The following ART4 variants were observed in gnomAD, a reference collection of about 807,000 sequenced individuals.
The protein encoded by ART4 is ADP-ribosyltransferase 4 (inactive) (Dombrock blood group).
Under a neutral mutation model 24.2 loss-of-function variants are expected in ART4, and 14 were observed. The observed-to-expected ratio is 0.58, with a 90% CI of 0.38 to 0.90. The LOEUF (loss-of-function observed/expected upper bound fraction) is 0.90. Among genes scored for constraint, ART4 ranks in the 40% least tolerant of loss-of-function variants. The pLI is 0.00. For synonymous variants in ART4, 145 were observed against 139.9 expected, an observed-to-expected ratio of 1.04 and a Z score of -0.26; for missense variants, 356 against 366.6, an observed-to-expected ratio of 0.97 and a Z score of 0.24.
At chr12:14,838,530 TCTA>T (rs1950445010) in intron 2 of ART4, among the ~76,000 whole-genome samples, 1 of 152,234 alleles carries the variant, frequency 6.6e-6, no homozygotes, top group South Asian at 2.1e-4. Context: ...TTCTTCATAT[TCTA>T]CTATAGTTTT....
rs979765224 is a variant in ART4 at position 14,826,217 on chromosome 12, G to C, written c.*3154C>G. The C allele has an allele frequency of 6.6e-6, 1 of 152,238 alleles. No homozygotes were observed. Among genetic ancestry groups the C allele is most frequent in the Admixed American group, 6.5e-5 (1 of 15,286 alleles). The allele number at this position is 152,238 out of a possible 1,614,324, so 9.4% of individuals were successfully genotyped here. ...GCTCAACAACTTTGGACTATAGGGAGAGACTGAGGGGATGTGAGCTATGTA... is the reference window on the plus strand; with the variant it reads ...GCTCAACAACTTTGGACTATAGGGACAGACTGAGGGGATGTGAGCTATGTA... On this transcript the variant is annotated 3_prime_UTR_variant, in exon 3 of 3. Coordinates refer to ENST00000228936, the MANE Select transcript of ART4 (RefSeq NM_021071.4).
intron 2 of ART4, among the ~76,000 whole-genome samples, chr12:14,831,812 A>T (rs1950397557): frequency 6.6e-6 from 1 of 151,974 alleles, no homozygotes; most frequent in Non-Finnish European, 1.5e-5. Context: ...CTCAGATATA[A>T]CATGTCAAAT....
At chr12:14,837,804 C>T (rs932459142) in intron 2 of ART4, among the ~76,000 whole-genome samples, 3 of 152,166 alleles carry the variant, frequency 2.0e-5, no homozygotes, top group Non-Finnish European at 4.4e-5. Flanking sequence ...TGTGAGCCAC[C>T]GCACTTGGCC....
intron 2 of ART4, among the ~76,000 whole-genome samples, chr12:14,838,899 C>CTT (rs35828014): frequency 0.018 from 2,554 of 140,512 alleles, 82 homozygotes; most frequent in African/African-American, 0.06. Context: ...TATGAACAGT[C>CTT]TTTTTTTTTT....
chr12:14,829,520 C>T (rs1220413630), intron 2 of ART4, 58 bp from the exon 3 acceptor site: 11 of 1,199,896 alleles, frequency 9.2e-6, no homozygotes, highest in Admixed American at 4.2e-5. Context: ...TTAAAACTAC[C>T]TCATCTATCC....
chr12:14,833,047 A>G (rs1950406867), intron 2 of ART4, among the ~76,000 whole-genome samples: 1 of 152,146 alleles, frequency 6.6e-6, no homozygotes, highest in African/African-American at 2.4e-5. Context: ...TTTCTATTCA[A>G]CTATCTCTTC....
Position 14,841,097 on chromosome 12 carries a change from T to C in ART4, c.201A>G (p.Gln67=). 1.9e-6 allele frequency: 3 copies of C among 1,610,800 alleles called. No homozygotes were observed. The highest frequency in any genetic ancestry group is 2.5e-6 in the Non-Finnish European group (3 of 1,179,134). Residue 67 remains glutamine (Q), a synonymous_variant, in exon 2 of 3, where the codon CAA becomes CAG. Transcript: ENST00000228936. ...TCTCCATAACCTGTTTGCTACAGCC[T>C]TGGTACTGATCATCAAAAGAACCTG... The part of the protein sequence containing the change: ...FAPGSFDDQY[Q]GCSKQVMEKL...
In ART4 at chr12:14,827,714, T is replaced by C. The variant is rs1226893329; in HGVS notation, c.*1657A>G. 9 of 152,294 alleles carry C rather than the reference T, an allele frequency of 5.9e-5. No individual in the cohort carries two copies. The highest frequency in any genetic ancestry group is 5.9e-4 in the Admixed American group (9 of 15,280). 9.4% of individuals were successfully genotyped at this position (152,294 alleles called of 1,614,324 possible). A position where few individuals can be genotyped will look rare whatever the true frequency, so the allele number is the denominator to read the frequency against. ...ACCATGCCTGGCAGAAATTCTTTCCTTTATTGACTGTAGAGGCTACTGCAA... is the reference window on the plus strand; with the variant it reads ...ACCATGCCTGGCAGAAATTCTTTCCCTTATTGACTGTAGAGGCTACTGCAA... On this transcript the variant is annotated 3_prime_UTR_variant, in exon 3 of 3. Transcript: ENST00000228936.
At chr12:14,833,501 A>C (rs1384943173) in intron 2 of ART4, among the ~76,000 whole-genome samples, 1 of 152,212 alleles carries the variant, frequency 6.6e-6, no homozygotes, top group Non-Finnish European at 1.5e-5. Flanking sequence ...CTCAGCATTC[A>C]CATCAGTACA....
chr12:14,829,303 G>T lies in ART4; in HGVS notation c.*68C>A. ...CCTGGAAAATAAATGTCCATTTCTA[G>T]CCAAAAGGCCAATAAAAAAGATTTT... On this transcript the variant is annotated 3_prime_UTR_variant, in exon 3 of 3. Coordinates refer to ENST00000228936, the MANE Select transcript of ART4 (RefSeq NM_021071.4). 9.0e-7 allele frequency: 1 copy of T among 1,107,552 alleles called. No individual in the cohort carries two copies. The highest frequency in any genetic ancestry group is 1.6e-5 in the African/African-American group (1 of 61,524). 68.6% of individuals were successfully genotyped at this position (1,107,552 alleles called of 1,614,324 possible).
rs1209673056 is a variant in ART4, at chr12:14,829,424, C to A, written c.892G>T (p.Ala298Ser). The A allele has an allele frequency of 5.6e-6, 9 of 1,609,350 alleles. No individual in the cohort carries two copies. The highest frequency in any genetic ancestry group is 7.6e-6 in the Non-Finnish European group (9 of 1,178,404). Residue 298 changes from alanine to serine, a missense_variant, in exon 3 of 3, where the codon GCA (alanine) becomes TCA (serine). Coordinates refer to ENST00000228936, the MANE Select transcript of ART4 (RefSeq NM_021071.4). ...ACACTGGTCAAAAAGGAGAGAGATG[C>A]AATAGCTATAGGATCAGGGATGCAT... is the stretch of plus-strand genomic sequence containing the variant. ...KKCIPDPIAI[A>S]SLSFLTSVII...
chr12:14,842,035 C>G (rs1863059050), intron 1 of ART4, among the ~76,000 whole-genome samples: 2 of 152,208 alleles, frequency 1.3e-5, no homozygotes, highest in African/African-American at 4.8e-5. Context: ...GAAAGTCCCT[C>G]CCCTCCTGGA....
chr12:14,841,328 T>G, intron 1 of ART4, 175 bp from the exon 2 acceptor site: 1 of 559,150 alleles, frequency 1.8e-6, no homozygotes, highest in Non-Finnish European at 3.0e-6. Context: ...TGACCTGTGC[T>G]AGAGATTGAA....
chr12:14,830,673 A>G lies in ART4; in HGVS notation c.854-1211T>C, dbSNP rs1265874524. Among the ~76,000 whole-genome samples the G allele has an allele frequency of 1.5e-4, 16 of 104,720 alleles. 1 individual carries two copies. Among genetic ancestry groups the G allele is most frequent in the East Asian group, 8.9e-4 (3 of 3,352 alleles). The allele number at this position is 104,720 out of a possible 152,430, so 68.7% of individuals were successfully genotyped here. On this transcript the variant is annotated intron_variant, in intron 2 of 2. Coordinates refer to ENST00000228936, the MANE Select transcript of ART4 (RefSeq NM_021071.4). ...TGTATATATATATATATATATATAT[A>G]TATATATATATATATATATATATAT...
At chr12:14,838,072 T>C (rs1950442869) in intron 2 of ART4, among the ~76,000 whole-genome samples, 1 of 152,146 alleles carries the variant, frequency 6.6e-6, no homozygotes, top group Non-Finnish European at 1.5e-5. Context: ...GATTATTGAT[T>C]CCCTTAAGTG....
intron 2 of ART4, among the ~76,000 whole-genome samples, chr12:14,832,324 G>A (rs1950402384): frequency 6.6e-6 from 1 of 152,032 alleles, no homozygotes; most frequent in African/African-American, 2.4e-5. Flanking sequence ...CACTTGCTGT[G>A]CTTTCTTCCT....
chr12:14,828,717 T>C lies in ART4; in HGVS notation c.*654A>G, dbSNP rs1950374501. 6.6e-6 allele frequency: 1 copy of C among 152,206 alleles called. No homozygotes were observed. The highest frequency in any genetic ancestry group is 1.5e-5 in the Non-Finnish European group (1 of 68,030). 9.4% of individuals were successfully genotyped at this position (152,206 alleles called of 1,614,324 possible). A position where few individuals can be genotyped will look rare whatever the true frequency, so the allele number is the denominator to read the frequency against. ...AATTCAAATTATGCAAGCAAAAACA[T>C]AAATTATTGATTTATGTAATGAAAA... On this transcript the variant is annotated 3_prime_UTR_variant, in exon 3 of 3. Transcript: ENST00000228936.
intron 2 of ART4, among the ~76,000 whole-genome samples, chr12:14,836,567 AACCAT>A (rs1950432408): frequency 6.6e-6 from 1 of 152,216 alleles, no homozygotes; most frequent in South Asian, 2.1e-4. Flanking sequence ...GAGAAAGCAA[AACCAT>A]AGGTAAGGGG....
At position 14,842,836 on chromosome 12, in the gene ART4, A is replaced by G. The variant is rs1023951645; in HGVS notation, c.144+134T>C. 5.2e-6 allele frequency: 6 copies of G among 1,151,394 alleles called. No homozygotes were observed. The Admixed American group carries it at 1.4e-4, about 28-fold the overall frequency. The allele number at this position is 1,151,394 out of a possible 1,614,324, so 71.3% of individuals were successfully genotyped here. On this transcript the variant is annotated intron_variant, in intron 1 of 2. Coordinates refer to ENST00000228936, the MANE Select transcript of ART4 (RefSeq NM_021071.4). ...ACTGTTTTCAACACTCTTTACTAAC[A>G]TGATTTGTTAAAATGTCTGAATGAA...
Sources: allele counts gnomAD v4.1 joint callset (sites outside exome capture counted in the v4.1 genomes callset), GRCh38; gene constraint gnomAD v4.1.1; transcripts MANE v1.5; gene names NCBI Gene and HGNC (gene_info 2026-07-23, HGNC 2026-07-21).